QRICH1: variants seen among roughly 807,000 people sequenced by gnomAD.
QRICH1 encodes glutamine rich 1, also known as transcriptional regulator QRICH1.
Under a neutral mutation model 87.1 loss-of-function variants are expected in QRICH1, and 16 were observed. The ratio of observed to expected loss-of-function variants is 0.18; its 90% CI spans 0.12 to 0.28. The LOEUF is 0.28. Among genes scored for constraint, QRICH1 ranks in the 10% least tolerant of loss-of-function variants. The pLI is 1.00. For missense variants in QRICH1, 647 were observed against 951.7 expected (o/e 0.68, Z 4.21); for synonymous variants, 367 against 368.4 (o/e 1.00, Z 0.05).
At chr3:49,056,345 C>T (rs2093402482) in intron 3 of QRICH1, among the ~76,000 whole-genome samples, 1 of 152,192 alleles carries the variant, frequency 6.6e-6, no homozygotes, top group South Asian at 2.1e-4. Context: ...CAATGGTGAT[C>T]ACTTTTAACA....
intron 2 of QRICH1, among the ~76,000 whole-genome samples, chr3:49,060,239 G>A (rs2093427124): frequency 6.6e-6 from 1 of 151,436 alleles, no homozygotes. Flanking sequence ...TGTCGCCCAG[G>A]CTGGAGTGCA....
In QRICH1 at chr3:49,058,040, G is replaced by A. The variant is rs558994551; in HGVS notation, c.310-150C>T. Reference sequence around the variant, plus strand: ...AAGGCTTCTGAGAAGGACACAATACGTAAGACTAGATCCAGGATTGTCCAG... The same window carrying A: ...AAGGCTTCTGAGAAGGACACAATACATAAGACTAGATCCAGGATTGTCCAG... On this transcript the variant is annotated intron_variant, in intron 2 of 9. Transcript: ENST00000395443. 27 of 1,347,242 alleles carry A rather than the reference G, an allele frequency of 2.0e-5. No individual in the cohort carries two copies. In the East Asian group the frequency reaches 2.2e-4, roughly 11 times the overall value. The allele number at this position is 1,347,242 out of a possible 1,614,324, so 83.5% of individuals were successfully genotyped here. A position where few individuals can be genotyped will look rare whatever the true frequency, so the allele number is the denominator to read the frequency against.
At chr3:49,066,994 T>A (rs577786156) in intron 2 of QRICH1, among the ~76,000 whole-genome samples, 42 of 151,220 alleles carry the variant, frequency 2.8e-4, no homozygotes, top group African/African-American at 8.7e-4. Flanking sequence ...GCCGAGAACA[T>A]GGCACTGCAC....
At chr3:49,059,011 G>C (rs2106911789) in intron 2 of QRICH1, among the ~76,000 whole-genome samples, 1 of 150,514 alleles carries the variant, frequency 6.6e-6, no homozygotes, top group African/African-American at 2.4e-5. Context: ...GCCCAGGCTG[G>C]AGTGCAGTGG....
intron 2 of QRICH1, among the ~76,000 whole-genome samples, chr3:49,069,383 T>C (rs1462322996): frequency 6.6e-6 from 1 of 151,938 alleles, no homozygotes; most frequent in African/African-American, 2.4e-5. Flanking sequence ...ATTAGAGGCA[T>C]GAGCCACCAC....
chr3:49,074,102 C>T (rs1172097874), intron 2 of QRICH1, among the ~76,000 whole-genome samples: 2 of 152,132 alleles, frequency 1.3e-5, no homozygotes, highest in African/African-American at 4.8e-5. Context: ...TTAGAAACAA[C>T]AAACACAGAC....
At chr3:49,067,647 T>A (rs1276453096) in intron 2 of QRICH1, among the ~76,000 whole-genome samples, 3 of 151,874 alleles carry the variant, frequency 2.0e-5, no homozygotes, top group African/African-American at 7.3e-5. Flanking sequence ...AGAGCCAAGC[T>A]TTTTCACTGG....
At chr3:49,047,912 C>A (rs1051537868) in intron 3 of QRICH1, among the ~76,000 whole-genome samples, 2 of 151,696 alleles carry the variant, frequency 1.3e-5, no homozygotes, top group African/African-American at 4.8e-5. Context: ...GGTGATAGAG[C>A]GAGACTCTGT....
chr3:49,046,576 C>T lies in QRICH1; in HGVS notation c.1520G>A (p.Arg507His), dbSNP rs771946633. 4.3e-6 allele frequency: 7 copies of T among 1,612,808 alleles called. No homozygotes were observed. The highest frequency in any genetic ancestry group is 1.3e-5 in the African/African-American group (1 of 74,978). Residue 507 changes from arginine (R) to histidine (H), a missense_variant, in exon 5 of 10, where the codon CGC becomes CAC. Physicochemically the swap from Arg to His is conservative, Grantham distance 29. This residue lies in a region of QRICH1 where 187 missense variants were observed against 309.5 expected (regional missense o/e 0.60). Coordinates refer to ENST00000395443, the MANE Select transcript of QRICH1 (RefSeq NM_198880.3). ...ATCTTCCTGGAATCGCAGCAGTTGGCGCCCTGCAACGGAAGCCTCAAAAAT... is the reference window on the plus strand; with the variant it reads ...ATCTTCCTGGAATCGCAGCAGTTGGTGCCCTGCAACGGAAGCCTCAAAAAT... ...AQNRLAPIGR[R>H]QLLRFQEDLI...
chr3:49,080,028 C>CCAAA (rs2042028351), intron 1 of QRICH1, among the ~76,000 whole-genome samples: 1 of 136,526 alleles, frequency 7.3e-6, no homozygotes, highest in Non-Finnish European at 1.6e-5. Context: ...GACTCTATCT[C>CCAAA]AAAAAAAAAA....
intron 8 of QRICH1, 139 bp downstream of exon 8, chr3:49,032,483 T>C (rs1345545819): frequency 8.4e-7 from 1 of 1,195,682 alleles, no homozygotes; most frequent in Non-Finnish European, 1.2e-6. Context: ...TTTGGAATTT[T>C]TGGCTGGGGA....
chr3:49,092,169 A>G (rs2042288928), intron 1 of QRICH1: 1 of 152,166 alleles, frequency 6.6e-6, no homozygotes, highest in Admixed American at 6.6e-5. Flanking sequence ...GAGCCTGCAA[A>G]CGCTTAAATC....
intron 2 of QRICH1, among the ~76,000 whole-genome samples, chr3:49,073,384 T>C (rs979201049): frequency 6.6e-6 from 1 of 151,500 alleles, no homozygotes; most frequent in African/African-American, 2.4e-5. Flanking sequence ...CTACTAAAAA[T>C]ACAAAAATTA....
intron 6 of QRICH1, 120 bp downstream of exon 6, chr3:49,044,270 G>T: frequency 1.3e-6 from 1 of 775,672 alleles, no homozygotes; most frequent in Non-Finnish European, 2.1e-6. Context: ...GGCCAATGCT[G>T]CTGCAGTCTG....
intron 4 of QRICH1, 60 bp from the exon 5 acceptor site, chr3:49,046,639 G>A (rs752849690): frequency 6.4e-6 from 10 of 1,553,408 alleles, no homozygotes; most frequent in Non-Finnish European, 8.7e-6. Context: ...GGAAGGCTCA[G>A]AACAGATACT....
At chr3:49,093,391 C>G (rs1559961880) in intron 1 of QRICH1, 1 of 152,224 alleles carries the variant, frequency 6.6e-6, no homozygotes, top group Non-Finnish European at 1.5e-5. Context: ...GGGAACGTCA[C>G]CAGACCAGAA....
At chr3:49,088,618 G>GTTTTTTTT (rs1206382284) in intron 1 of QRICH1, among the ~76,000 whole-genome samples, 8 of 93,180 alleles carry the variant, frequency 8.6e-5, no homozygotes, top group Non-Finnish European at 1.6e-4. Flanking sequence ...GCTTTTGTCT[G>GTTTTTTTT]TTTTTTTTTT....
At chr3:49,041,345 G>A (rs1357166895) in intron 6 of QRICH1, among the ~76,000 whole-genome samples, 1 of 151,852 alleles carries the variant, frequency 6.6e-6, no homozygotes, top group Non-Finnish European at 1.5e-5. Context: ...TAATATGTGT[G>A]TGTGTGTGTG....
chr3:49,042,160 C>T (rs1441948113), intron 6 of QRICH1, among the ~76,000 whole-genome samples: 2 of 148,228 alleles, frequency 1.3e-5, no homozygotes, highest in South Asian at 2.2e-4. Flanking sequence ...TGCAGTGGCA[C>T]GATCTCAGCT....
Sources: gnomAD v4.1 joint callset for allele counts (sites outside exome capture counted in the v4.1 genomes callset) on GRCh38, gnomAD v4.1.1 for gene constraint, gnomAD v4.1.1 regional missense constraint, MANE v1.5 for transcripts, NCBI Gene and HGNC (gene_info 2026-07-23, HGNC 2026-07-21) for gene names.